The following ANKRD17 variants were observed in gnomAD, a reference collection of about 807,000 sequenced individuals.
ANKRD17 encodes ankyrin repeat domain-containing protein 17.
Under a neutral mutation model 229.7 loss-of-function variants are expected in ANKRD17, and 19 were observed. The observed-to-expected ratio is 0.08, with a 90% CI of 0.06 to 0.12. The LOEUF is 0.12. Ranked by LOEUF, ANKRD17 falls within the 10% of genes least tolerant of loss-of-function variation. The pLI is 1.00. For synonymous variants in ANKRD17, 1,112 were observed against 1,146.1 expected (o/e 0.97, Z 0.60); for missense variants, 2,176 against 3,176.8 (o/e 0.68, Z 7.57).
chr4:73,144,919 G>T (rs1730064471), intron 10 of ANKRD17, 87 bp from the exon 11 acceptor site: 2 of 817,778 alleles, frequency 2.4e-6, no homozygotes, highest in Non-Finnish European at 3.6e-6. Context: ...AAAATAATTG[G>T]ACTGATTTCT....
At chr4:73,174,882 TACAAGGGAAACTATAAAAC>T (rs1477114658) in intron 2 of ANKRD17, among the ~76,000 whole-genome samples, 1 of 152,092 alleles carries the variant, frequency 6.6e-6, no homozygotes, top group Non-Finnish European at 1.5e-5. Flanking sequence ...GAAAGATCTC[TACAAGGGAAACTATAAAAC>T]ACTGTTGCAA....
At chr4:73,148,712 G>A in intron 8 of ANKRD17, 101 bp downstream of exon 8, 1 of 1,056,798 alleles carries the variant, frequency 9.5e-7, no homozygotes, top group Middle Eastern at 2.2e-4. Context: ...ATAGCTCATT[G>A]CAACTCTACT....
intron 16 of ANKRD17, 40 bp from the exon 17 acceptor site, chr4:73,125,352 T>G: frequency 1.5e-6 from 2 of 1,345,530 alleles, no homozygotes; most frequent in Non-Finnish European, 2.1e-6. Flanking sequence ...TTAAATAACT[T>G]AAGATGTTAA....
chr4:73,132,120 T>G (rs1437167208), intron 16 of ANKRD17, among the ~76,000 whole-genome samples: 3 of 152,002 alleles, frequency 2.0e-5, no homozygotes, highest in Admixed American at 2.0e-4. Context: ...TTTTTTTTTT[T>G]TTTGAGACAG....
intron 16 of ANKRD17, among the ~76,000 whole-genome samples, chr4:73,130,656 A>C (rs561211842): frequency 7.8e-4 from 118 of 151,776 alleles, no homozygotes; most frequent in Non-Finnish European, 1.4e-3. Flanking sequence ...AGGTACTCCA[A>C]GTTCAAGAAA....
chr4:73,258,639 C>T lies in ANKRD17; in HGVS notation c.30G>A (p.Ala10=), dbSNP rs1745718534. Residue 10 remains alanine, a synonymous_variant, in exon 1 of 34, where the codon GCG becomes GCA. Coordinates refer to ENST00000358602, the MANE Select transcript of ANKRD17 (RefSeq NM_032217.5). MEKATVPVA[A]ATAAEGEGSP... is the part of the protein sequence containing the mutation. ...TCCCTTCTCCTTCTGCAGCCGTCGC[C>T]GCCGCCACCGGAACCGTCGCCTTCT... 4 of 1,486,944 alleles carry T rather than the reference C, an allele frequency of 2.7e-6. No individual in the cohort carries two copies. The highest frequency in any genetic ancestry group is 3.5e-6 in the Non-Finnish European group (4 of 1,127,432). The allele number at this position is 1,486,944 out of a possible 1,614,324, so 92.1% of individuals were successfully genotyped here.
chr4:73,139,444 G>A (rs547614902), intron 15 of ANKRD17, 87 bp downstream of exon 15: 1 of 1,481,710 alleles, frequency 6.7e-7, no homozygotes, highest in East Asian at 2.3e-5. Context: ...TAGTTCTCAA[G>A]TTGGGTAACG....
chr4:73,229,899 T>C (rs930496610), intron 1 of ANKRD17, among the ~76,000 whole-genome samples: 1 of 152,158 alleles, frequency 6.6e-6, no homozygotes, highest in Non-Finnish European at 1.5e-5. Context: ...TTTCTTTGCC[T>C]TCTACATTTA....
chr4:73,241,327 A>C (rs1744015457), intron 1 of ANKRD17, among the ~76,000 whole-genome samples: 1 of 152,196 alleles, frequency 6.6e-6, no homozygotes, highest in African/African-American at 2.4e-5. Flanking sequence ...TGTAAAAGTT[A>C]AGAGGCACAC....
chr4:73,115,980 G>T, intron 22 of ANKRD17, 64 bp from the exon 23 acceptor site: 1 of 1,369,028 alleles, frequency 7.3e-7, no homozygotes, highest in South Asian at 1.2e-5. Flanking sequence ...ATCTATGCCT[G>T]AACTAACTTT....
intron 7 of ANKRD17, among the ~76,000 whole-genome samples, chr4:73,150,583 A>G (rs1302901981): frequency 1.3e-5 from 2 of 152,216 alleles, no homozygotes; most frequent in African/African-American, 4.8e-5. Flanking sequence ...TAAGATGGCA[A>G]TAAGGAAAAC....
intron 26 of ANKRD17, among the ~76,000 whole-genome samples, chr4:73,097,598 T>C (rs539084330): frequency 6.6e-6 from 1 of 151,760 alleles, no homozygotes. Context: ...TCACATTGGC[T>C]AATTAAAAAA....
At chr4:73,167,218 G>A (rs910595336) in intron 2 of ANKRD17, among the ~76,000 whole-genome samples, 4 of 152,094 alleles carry the variant, frequency 2.6e-5, no homozygotes, top group Non-Finnish European at 5.9e-5. Context: ...GTTTCATTAC[G>A]CTATTCTCTT....
rs939239622 is a variant in ANKRD17, at chr4:73,204,609, T to C, written c.394-27076A>G. Among the ~76,000 whole-genome samples, 37 of 151,978 alleles carry C rather than the reference T, an allele frequency of 2.4e-4. 1 individual carries two copies. The highest frequency in any genetic ancestry group is 2.0e-4 in the Admixed American group (3 of 15,256). Reference sequence around the variant, plus strand: ...CCAAAGTAATAAAGAGCACTAGAAATGGCATAAAATGGATATCTTCTTTTT... The same window carrying C: ...CCAAAGTAATAAAGAGCACTAGAAACGGCATAAAATGGATATCTTCTTTTT... On this transcript the variant is annotated intron_variant, in intron 1 of 33. Transcript: ENST00000358602.
rs1721999905 is a variant in ANKRD17, at chr4:73,085,257, G to A, written c.7151C>T (p.Ala2384Val). The A allele has an allele frequency of 6.2e-7, 1 of 1,613,914 alleles. No homozygotes were observed. The highest frequency in any genetic ancestry group is 8.5e-7 in the Non-Finnish European group (1 of 1,179,948). The change falls in exon 30 of 34, where the codon GCA (alanine) becomes GTA (valine). Residue 2384 changes from alanine to valine, a missense_variant. Transcript: ENST00000358602. ...CGGTGTATAAAACTCACCATTTGAT[G>A]CTGATGAACACGGAGTCAACAAACT... ...PLSLLTPCSS[A>V]SNDSSAQSVS...
At chr4:73,247,657 T>C (rs2149274122) in intron 1 of ANKRD17, among the ~76,000 whole-genome samples, 1 of 152,134 alleles carries the variant, frequency 6.6e-6, no homozygotes, top group Non-Finnish European at 1.5e-5. Context: ...AAAAGCCCTA[T>C]ATACTAGAAG....
intron 7 of ANKRD17, among the ~76,000 whole-genome samples, chr4:73,150,817 A>G (rs1337481755): frequency 6.6e-6 from 1 of 152,186 alleles, no homozygotes; most frequent in Non-Finnish European, 1.5e-5. Flanking sequence ...GTTTAAGAGT[A>G]CTGTTATGAG....
chr4:73,238,190 T>C (rs1458659721), intron 1 of ANKRD17, among the ~76,000 whole-genome samples: 1 of 152,068 alleles, frequency 6.6e-6, no homozygotes, highest in Non-Finnish European at 1.5e-5. Context: ...TGAAAATCCT[T>C]ATAGGTCACA....
intron 1 of ANKRD17, among the ~76,000 whole-genome samples, chr4:73,207,067 A>G (rs112094497): frequency 6.6e-6 from 1 of 152,050 alleles, no homozygotes; most frequent in African/African-American, 2.4e-5. Flanking sequence ...CAGGCGATCC[A>G]CCCACCTCAG....
Sources: allele counts gnomAD v4.1 joint callset (sites outside exome capture counted in the v4.1 genomes callset), GRCh38; gene constraint gnomAD v4.1.1; transcripts MANE v1.5; gene names NCBI Gene and HGNC (gene_info 2026-07-23, HGNC 2026-07-21).